PDE4D: variants seen among roughly 807,000 people sequenced by gnomAD.
The protein encoded by PDE4D is phosphodiesterase 4D, also known as 3',5'-cyclic-AMP phosphodiesterase 4D.
Under a neutral mutation model 87.4 loss-of-function variants are expected in PDE4D, and 24 were observed. The ratio of observed to expected loss-of-function variants is 0.27; its 90% CI spans 0.20 to 0.39. The LOEUF is 0.39. Among genes scored for constraint, PDE4D ranks in the 10% least tolerant of loss-of-function variants. The probability of loss-of-function intolerance (pLI) is 1.00; values close to 1 mark genes in which losing one functional copy is unlikely to be tolerated. For synonymous variants in PDE4D, 384 were observed against 383.2 expected, an observed-to-expected ratio of 1.00 and a Z score of -0.02; for missense variants, 714 against 1,041.0, an observed-to-expected ratio of 0.69 and a Z score of 4.32.
At chr5:59,467,004 G>A (rs1409712137) in intron 1 of PDE4D, among the ~76,000 whole-genome samples, 4 of 152,088 alleles carry the variant, frequency 2.6e-5, no homozygotes, top group African/African-American at 9.7e-5. Context: ...CATAAGTGTG[G>A]GCCCTAATCA....
At chr5:60,521,931 G>T (rs1456383245) in intron 1 of PDE4D, 1 of 93,420 alleles carries the variant, frequency 1.1e-5, no homozygotes, top group Non-Finnish European at 2.0e-5. Context: ...ACTCTGACCT[G>T]CAGGAAAAAA....
chr5:59,213,222 T>C (rs1194088732), intron 2 of PDE4D, among the ~76,000 whole-genome samples: 1 of 151,266 alleles, frequency 6.6e-6, no homozygotes, highest in African/African-American at 2.4e-5. Flanking sequence ...TGGACTGCAG[T>C]GGCATGATCG....
intron 2 of PDE4D, among the ~76,000 whole-genome samples, chr5:60,126,867 A>C (rs1454841397): frequency 1.3e-5 from 2 of 152,222 alleles, no homozygotes; most frequent in African/African-American, 4.8e-5. Context: ...GCAAATAGAC[A>C]TTATTCAGTG....
intron 1 of PDE4D, chr5:59,768,226 C>G: frequency 6.3e-7 from 1 of 1,594,288 alleles, no homozygotes. Context: ...ACCATTTCTG[C>G]GAGGTCTGCG....
At chr5:60,474,649 G>A (rs756404834) in intron 1 of PDE4D, among the ~76,000 whole-genome samples, 37 of 152,176 alleles carry the variant, frequency 2.4e-4, no homozygotes, top group Non-Finnish European at 2.9e-4. Context: ...AGGCAACAGG[G>A]GAAGTCGCAG....
chr5:59,557,653 T>G (rs1322788750), intron 1 of PDE4D, among the ~76,000 whole-genome samples: 1 of 152,196 alleles, frequency 6.6e-6, no homozygotes, highest in East Asian at 1.9e-4. Flanking sequence ...CAACTGTAGG[T>G]GATGTATCCT....
At chr5:60,275,950 T>C (rs1751322257) in intron 1 of PDE4D, among the ~76,000 whole-genome samples, 1 of 152,190 alleles carries the variant, frequency 6.6e-6, no homozygotes, top group Non-Finnish European at 1.5e-5. Context: ...CTATTATCTT[T>C]CTCTTATTGA....
At chr5:59,935,032 A>G (rs1057239302) in intron 3 of PDE4D, among the ~76,000 whole-genome samples, 9 of 152,202 alleles carry the variant, frequency 5.9e-5, no homozygotes, top group African/African-American at 2.2e-4. Flanking sequence ...GGTTGTGGGC[A>G]GATGGCTTGG....
chr5:59,888,955 C>T (rs1750550685), intron 1 of PDE4D, among the ~76,000 whole-genome samples: 1 of 151,906 alleles, frequency 6.6e-6, no homozygotes, highest in African/African-American at 2.4e-5. Context: ...TTGCCAGGCA[C>T]GGTGGCTTAC....
At chr5:59,591,228 C>T (rs1825874013) in intron 1 of PDE4D, among the ~76,000 whole-genome samples, 1 of 152,184 alleles carries the variant, frequency 6.6e-6, no homozygotes, top group Non-Finnish European at 1.5e-5. Flanking sequence ...AAATTCTTAT[C>T]TCTGTAATAT....
chr5:59,432,744 T>C (rs1485710604), intron 1 of PDE4D, among the ~76,000 whole-genome samples: 3 of 152,112 alleles, frequency 2.0e-5, no homozygotes, highest in Admixed American at 1.3e-4. Flanking sequence ...GAAATATATA[T>C]TGGGACATAA....
At chr5:60,150,244 G>T (rs1781390187) in intron 2 of PDE4D, among the ~76,000 whole-genome samples, 1 of 151,822 alleles carries the variant, frequency 6.6e-6, no homozygotes, top group Non-Finnish European at 1.5e-5. Flanking sequence ...AAGAGATCAT[G>T]GACTGAGTTG....
At chr5:60,515,601 C>CTTTTTTTTTTTTTTTTTTTTTTTTT in intron 1 of PDE4D, among the ~76,000 whole-genome samples, 1 of 106,824 alleles carries the variant, frequency 9.4e-6, no homozygotes, top group Non-Finnish European at 2.0e-5. Flanking sequence ...TTTTCTTTTT[C>CTTTTTTTTTTTTTTTTTTTTTTTTT]TTTTTTTTTT....
rs181366138 is a variant in PDE4D, at chr5:60,067,463, T to C, written c.43-78746A>G. Among the ~76,000 whole-genome samples, 8 of 152,186 alleles carry C rather than the reference T, an allele frequency of 5.3e-5. No individual in the cohort carries two copies. In the East Asian group the frequency reaches 1.6e-3, roughly 30 times the overall value. ...TAATAAATGAACTGTTACCTATAAA[T>C]GTAAGAACATGCCCCAAATTTAGAA... On this transcript the variant is annotated intron_variant, in intron 2 of 16. Coordinates refer to the PDE4D transcript ENST00000502484.
intron 3 of PDE4D, among the ~76,000 whole-genome samples, chr5:59,963,709 T>C (rs1178025860): frequency 6.6e-6 from 1 of 152,202 alleles, no homozygotes; most frequent in African/African-American, 2.4e-5. Context: ...TACAGAGTTT[T>C]TGTCTAACTT....
At position 59,244,084 on chromosome 5, in the gene PDE4D, C is replaced by T. The variant is rs190856591; in HGVS notation, c.456-28116G>A. 1.8e-4 allele frequency among the ~76,000 whole-genome samples: 27 copies of T among 152,002 alleles called. 1 individual carries two copies. The highest frequency in any genetic ancestry group is 9.7e-4 in the East Asian group (5 of 5,166). ...GATTTTTCTAGAATCCTAAATGACA[C>T]GAGAAAATACTTCTTAAAAATGTCA... On this transcript the variant is annotated intron_variant, in intron 1 of 14. Transcript: ENST00000340635.
At chr5:60,048,011 T>C (rs1171953508) in intron 2 of PDE4D, among the ~76,000 whole-genome samples, 4 of 152,190 alleles carry the variant, frequency 2.6e-5, no homozygotes, top group Non-Finnish European at 2.9e-5. Flanking sequence ...AGTCTCTTTG[T>C]AGGTCTCTCA....
chr5:59,717,254 T>C (rs1755167689), intron 1 of PDE4D, among the ~76,000 whole-genome samples: 1 of 152,168 alleles, frequency 6.6e-6, no homozygotes, highest in Non-Finnish European at 1.5e-5. Context: ...GGCCTTGACC[T>C]GGAAAAGCTG....
At chr5:59,611,997 C>T (rs980807534) in intron 1 of PDE4D, among the ~76,000 whole-genome samples, 1 of 152,136 alleles carries the variant, frequency 6.6e-6, no homozygotes, top group East Asian at 1.9e-4. Flanking sequence ...TTATCAATGC[C>T]CCTGAGGTCA....
Sources: gnomAD v4.1 joint callset for allele counts (sites outside exome capture counted in the v4.1 genomes callset) on GRCh38, gnomAD v4.1.1 for gene constraint, MANE v1.5 for transcripts, NCBI Gene and HGNC (gene_info 2026-07-23, HGNC 2026-07-21) for gene names.